Variants in PCYT1B observed in about 807,000 individuals in gnomAD.
PCYT1B encodes choline-phosphate cytidylyltransferase B.
PCYT1B carries 10 observed loss-of-function variants against 26.4 expected under a neutral mutation model. The ratio of observed to expected loss-of-function variants is 0.38; its 90% confidence interval spans 0.23 to 0.64. The LOEUF is 0.64. Ranked by LOEUF, PCYT1B falls within the 30% of genes least tolerant of loss-of-function variation. The pLI is 0.56. For missense variants in PCYT1B, 161 were observed against 292.7 expected (o/e 0.55, Z 3.28); for synonymous variants, 131 against 108.4 (o/e 1.21, Z -1.29).
intron 1 of PCYT1B, among the ~76,000 whole-genome samples, chrX:24,630,961 T>C (rs1159960443): frequency 4.5e-5 from 5 of 111,140 alleles, no homozygotes; most frequent in Admixed American, 1.9e-4. Flanking sequence ...CTTGCATTGT[T>C]GCCCAGGCTG....
chrX:24,566,167 G>A (rs770982955), intron 7 of PCYT1B, among the ~76,000 whole-genome samples: 2 of 112,002 alleles, frequency 1.8e-5, no homozygotes, highest in East Asian at 5.6e-4. Context: ...GGGGAATTTG[G>A]CAATAGATGC....
chrX:24,607,949 A>C, intron 2 of PCYT1B, 88 bp from the exon 3 acceptor site: 1 of 492,724 alleles, frequency 2.0e-6, no homozygotes. Flanking sequence ...TTTCTGGATA[A>C]GACACAATCT....
At chrX:24,587,375 G>C in intron 4 of PCYT1B, 56 bp from the exon 5 acceptor site, 1 of 788,854 alleles carries the variant, frequency 1.3e-6, no homozygotes, top group Admixed American at 2.2e-5. Flanking sequence ...CATGTCTGCA[G>C]ATTTGAAGGG....
chrX:24,641,572 A>G (rs1166953185), intron 1 of PCYT1B, among the ~76,000 whole-genome samples: 1 of 112,218 alleles, frequency 8.9e-6, no homozygotes, highest in Non-Finnish European at 1.9e-5. Flanking sequence ...GGGCTGGACA[A>G]GTGTCTAAGC....
intron 1 of PCYT1B, among the ~76,000 whole-genome samples, chrX:24,642,375 A>C (rs141815336): frequency 1.8e-5 from 2 of 112,452 alleles, no homozygotes; most frequent in African/African-American, 6.4e-5. Context: ...AATACTTTAA[A>C]TCTTCCTCAC....
chrX:24,661,636 C>A (rs1314227089), intron 1 of PCYT1B, among the ~76,000 whole-genome samples: 1 of 111,753 alleles, frequency 8.9e-6, no homozygotes, highest in African/African-American at 3.3e-5. Context: ...TCAGCAAAAT[C>A]TAGATTGTGG....
chrX:24,667,969 A>G (rs1426569349), intron 1 of PCYT1B, among the ~76,000 whole-genome samples: 1 of 112,071 alleles, frequency 8.9e-6, no homozygotes, highest in Non-Finnish European at 1.9e-5. Flanking sequence ...AAATTGAGGA[A>G]TTGGGTTTTA....
intron 2 of PCYT1B, among the ~76,000 whole-genome samples, chrX:24,610,627 A>G (rs994015706): frequency 2.7e-5 from 3 of 111,743 alleles, no homozygotes; most frequent in African/African-American, 9.8e-5. Flanking sequence ...AGCAGGGAGG[A>G]AAGAAAAGTA....
intron 1 of PCYT1B, among the ~76,000 whole-genome samples, chrX:24,631,433 A>C (rs1926088919): frequency 8.9e-6 from 1 of 111,918 alleles, no homozygotes; most frequent in Non-Finnish European, 1.9e-5. Context: ...TGGGCAAGAC[A>C]ATCCATTAGA....
At chrX:24,613,694 T>C (rs140592447) in intron 2 of PCYT1B, among the ~76,000 whole-genome samples, 3,879 of 110,556 alleles carry the variant, frequency 0.035, 162 homozygotes, top group African/African-American at 0.12. Flanking sequence ...GGCTCATGCC[T>C]GTAATCCCAG....
rs1471187259 is a variant in PCYT1B, at chrX:24,559,451, G to GAGAC, written c.*2841_*2842insGTCT. The GAGAC allele has an allele frequency of 9.4e-6, 1 of 106,867 alleles. No individual in the cohort carries two copies. The highest frequency in any genetic ancestry group is 1.9e-5 in the Non-Finnish European group (1 of 51,328). 8.8% of individuals were successfully genotyped at this position (106,867 alleles called of 1,213,427 possible). ...GAAGAAAGAAAAAGAAAGAGAGAGA[G>GAGAC]AGAGAAAGAAAGAGAAAGAAAGTAA... On this transcript the variant is annotated 3_prime_UTR_variant, in exon 8 of 8. Transcript: ENST00000379144.
intron 1 of PCYT1B, among the ~76,000 whole-genome samples, chrX:24,666,368 A>G (rs1927127256): frequency 8.9e-6 from 1 of 111,924 alleles, no homozygotes; most frequent in African/African-American, 3.2e-5. Context: ...GTAAAGATAT[A>G]TGTAGGACAA....
chrX:24,571,259 G>A (rs1204252357), intron 7 of PCYT1B, among the ~76,000 whole-genome samples: 1 of 111,311 alleles, frequency 9.0e-6, no homozygotes, highest in East Asian at 2.8e-4. Context: ...AGCTACTCGG[G>A]AGGCTGAGGC....
intron 1 of PCYT1B, among the ~76,000 whole-genome samples, chrX:24,629,269 A>G (rs895490776): frequency 9.0e-6 from 1 of 111,436 alleles, no homozygotes; most frequent in African/African-American, 3.3e-5. Context: ...ATATCTTTTA[A>G]AAACACATTT....
intron 7 of PCYT1B, among the ~76,000 whole-genome samples, chrX:24,566,533 C>T (rs1047502263): frequency 4.5e-5 from 5 of 111,483 alleles, no homozygotes; most frequent in African/African-American, 1.6e-4. Flanking sequence ...GATGAGACTG[C>T]GAGTGATTTT....
chrX:24,590,605 T>G (rs192831852), intron 3 of PCYT1B, among the ~76,000 whole-genome samples: 181 of 110,783 alleles, frequency 1.6e-3, no homozygotes, highest in Non-Finnish European at 3.6e-4. Context: ...CAGTTCCAAT[T>G]ATTTTACTAG....
intron 1 of PCYT1B, among the ~76,000 whole-genome samples, chrX:24,622,295 G>A (rs995328614): frequency 1.3e-4 from 15 of 111,565 alleles, no homozygotes; most frequent in African/African-American, 4.6e-4. Flanking sequence ...CAACCAGCCC[G>A]GTGACCTGAG....
At chrX:24,652,973 T>C (rs890682290) in intron 1 of PCYT1B, among the ~76,000 whole-genome samples, 3 of 110,193 alleles carry the variant, frequency 2.7e-5, no homozygotes, top group Non-Finnish European at 5.7e-5. Context: ...TAATCCCAGC[T>C]ACTCGGGAGG....
intron 3 of PCYT1B, among the ~76,000 whole-genome samples, chrX:24,599,735 T>C (rs1924899543): frequency 9.0e-6 from 1 of 111,611 alleles, no homozygotes; most frequent in African/African-American, 3.2e-5. Context: ...AGAAGCAGAA[T>C]GAAAATATAA....
Sources: allele counts gnomAD v4.1 joint callset (sites outside exome capture counted in the v4.1 genomes callset), GRCh38; gene constraint gnomAD v4.1.1; transcripts MANE v1.5; gene names NCBI Gene and HGNC (gene_info 2026-07-23, HGNC 2026-07-21).